The following RPL39L variants were observed in gnomAD, a reference collection of about 807,000 sequenced individuals.
RPL39L encodes ribosomal protein eL39-like 2.
For missense variants in RPL39L, 48 were observed against 58.9 expected (o/e 0.81, Z 0.61); for synonymous variants, 16 against 20.1 (o/e 0.80, Z 0.55).
intron 2 of RPL39L, among the ~76,000 whole-genome samples, chr3:187,122,623 C>T (rs974611583): frequency 6.6e-6 from 1 of 152,170 alleles, no homozygotes; most frequent in African/African-American, 2.4e-5. Flanking sequence ...CAAAAGAGTA[C>T]ATGCTGTGAG....
rs1242137964 is a variant in RPL39L at position 187,128,959 on chromosome 3, C to T, written c.-92-897G>A. The stretch of plus-strand genomic sequence containing the variant: ...TTGCTCAGCACTATTGTACCTCTTG[C>T]TTGCAGAGAGCTGTATGCACCCATC... On this transcript the variant is annotated intron_variant, in intron 1 of 2. Transcript: ENST00000296277. Among the ~76,000 whole-genome samples, 4 of 152,208 alleles carry T rather than the reference C, an allele frequency of 2.6e-5. No individual in the cohort carries two copies. The South Asian group carries it at 8.3e-4, about 31-fold the overall frequency.
rs1196703987 is a variant in RPL39L at position 187,129,981 on chromosome 3, T to C, written c.-92-1919A>G. Among the ~76,000 whole-genome samples the C allele has an allele frequency of 2.0e-5, 3 of 152,184 alleles. No individual in the cohort carries two copies. In the East Asian group the frequency reaches 5.8e-4, roughly 29 times the overall value. ...AGGACATTAGTGATTTCCCTTGGGC[T>C]AGGCTAAAATACTTCATCTCATACA... On this transcript the variant is annotated intron_variant, in intron 1 of 2. Transcript: ENST00000296277.
At position 187,121,344 on chromosome 3, in the gene RPL39L, GGAGA is replaced by G. The variant is rs1560198575; in HGVS notation, c.-28-20_-28-17del. ...CCACACACCACTATGGCGGAGAAAG[GGAGA>G]GAGAGACAGAGACAATATTACCATA... On this transcript the variant is annotated splice_polypyrimidine_tract_variant and intron_variant, in intron 2 of 2. Transcript: ENST00000296277. The G allele has an allele frequency of 6.2e-7, 1 of 1,604,296 alleles. No homozygotes were observed. Among genetic ancestry groups the G allele is most frequent in the East Asian group, 2.2e-5 (1 of 44,832 alleles).
chr3:187,136,681 T>C (rs1469710151), intron 1 of RPL39L, among the ~76,000 whole-genome samples: 1 of 151,850 alleles, frequency 6.6e-6, no homozygotes, highest in Non-Finnish European at 1.5e-5. Flanking sequence ...GCAGTTTTTC[T>C]GAACATTATA....
At chr3:187,133,438 T>G (rs1560201406) in intron 1 of RPL39L, among the ~76,000 whole-genome samples, 1 of 152,112 alleles carries the variant, frequency 6.6e-6, no homozygotes, top group African/African-American at 2.4e-5. Context: ...TTCTGCCAGA[T>G]TGTAAGTATC....
intron 1 of RPL39L, among the ~76,000 whole-genome samples, chr3:187,133,379 C>G (rs903412354): frequency 5.3e-5 from 8 of 152,106 alleles, no homozygotes; most frequent in Admixed American, 1.3e-4. Context: ...CTTCCCCCTT[C>G]ACTCTCTTTC....
At chr3:187,136,443 A>G (rs1720579871) in intron 1 of RPL39L, among the ~76,000 whole-genome samples, 1 of 152,244 alleles carries the variant, frequency 6.6e-6, no homozygotes, top group Non-Finnish European at 1.5e-5. Flanking sequence ...GTCTGCCAGC[A>G]ACTGAGTTGG....
At chr3:187,133,226 C>T (rs1178295585) in intron 1 of RPL39L, among the ~76,000 whole-genome samples, 1 of 152,028 alleles carries the variant, frequency 6.6e-6, no homozygotes, top group Non-Finnish European at 1.5e-5. Flanking sequence ...GTGTCCCCAC[C>T]CAAATCTCAT....
At chr3:187,125,478 A>C (rs1720381648) in intron 2 of RPL39L, among the ~76,000 whole-genome samples, 1 of 152,072 alleles carries the variant, frequency 6.6e-6, no homozygotes, top group Non-Finnish European at 1.5e-5. Context: ...TCAGAACTGG[A>C]GAGTTCCTGC....
At chr3:187,127,418 T>C (rs749192881) in intron 2 of RPL39L, among the ~76,000 whole-genome samples, 8 of 152,206 alleles carry the variant, frequency 5.3e-5, no homozygotes, top group African/African-American at 9.7e-5. Flanking sequence ...GGAATTTTAG[T>C]ATACAGGTAA....
intron 1 of RPL39L, among the ~76,000 whole-genome samples, chr3:187,137,754 GGCA>G (rs1455423507): frequency 4.0e-5 from 6 of 151,218 alleles, no homozygotes; most frequent in Non-Finnish European, 7.4e-5. Flanking sequence ...CTTGAACCCA[GGCA>G]GCAGAAGTTG....
intron 1 of RPL39L, among the ~76,000 whole-genome samples, chr3:187,138,213 A>G (rs1216382805): frequency 1.3e-5 from 2 of 152,238 alleles, no homozygotes; most frequent in Non-Finnish European, 2.9e-5. Flanking sequence ...GCCCAGTGCA[A>G]AATGAAAATG....
At chr3:187,128,097 G>C (rs1268143637) in intron 1 of RPL39L, 35 bp from the exon 2 acceptor site, 1 of 152,142 alleles carries the variant, frequency 6.6e-6, no homozygotes, top group Non-Finnish European at 1.5e-5. Context: ...AATGGTAACA[G>C]TAAGATCCTA....
Position 187,122,628 on chromosome 3 carries a change from T to C in RPL39L, c.-28-1300A>G, listed in dbSNP as rs577515656. The stretch of plus-strand genomic sequence containing the variant: ...GAAAGAAAGGCAAAAGAGTACATGC[T>C]GTGAGGCTACCGGCTTTTAAGGAGC... On this transcript the variant is annotated intron_variant, in intron 2 of 2. Coordinates refer to ENST00000296277, the MANE Select transcript of RPL39L (RefSeq NM_052969.3). Among the ~76,000 whole-genome samples, 3 of 152,302 alleles carry C rather than the reference T, an allele frequency of 2.0e-5. No individual in the cohort carries two copies. The South Asian group carries it at 6.2e-4, about 32-fold the overall frequency.
chr3:187,138,820 G>T (rs1720633225), intron 1 of RPL39L, among the ~76,000 whole-genome samples: 1 of 152,210 alleles, frequency 6.6e-6, no homozygotes, highest in South Asian at 2.1e-4. Context: ...AGCACTTTGG[G>T]AGGCCGAGGC....
chr3:187,131,714 T>A (rs1339050767), intron 1 of RPL39L, among the ~76,000 whole-genome samples: 1 of 152,230 alleles, frequency 6.6e-6, no homozygotes, highest in Non-Finnish European at 1.5e-5. Flanking sequence ...CATAAGGTTG[T>A]TATAAAGCTT....
intron 1 of RPL39L, among the ~76,000 whole-genome samples, chr3:187,132,111 C>T (rs1180244154): frequency 6.6e-6 from 1 of 152,152 alleles, no homozygotes; most frequent in Non-Finnish European, 1.5e-5. Flanking sequence ...GGGTCACAAA[C>T]ACTCCTGGTT....
intron 2 of RPL39L, among the ~76,000 whole-genome samples, chr3:187,123,145 G>C (rs1720341285): frequency 1.3e-5 from 2 of 152,110 alleles, no homozygotes; most frequent in Non-Finnish European, 2.9e-5. Context: ...TGCCCTAGTG[G>C]GGAGGCCAGT....
At chr3:187,122,081 G>A (rs1720320319) in intron 2 of RPL39L, among the ~76,000 whole-genome samples, 2 of 152,124 alleles carry the variant, frequency 1.3e-5, no homozygotes, top group South Asian at 4.1e-4. Flanking sequence ...CTATCTCACG[G>A]TACTTTCATG....
Sources: allele counts gnomAD v4.1 joint callset (sites outside exome capture counted in the v4.1 genomes callset), GRCh38; gene constraint gnomAD v4.1.1; transcripts MANE v1.5; gene names NCBI Gene and HGNC (gene_info 2026-07-23, HGNC 2026-07-21).